Variants in RNF169 observed in about 807,000 individuals in gnomAD.
RNF169 encodes the protein E3 ubiquitin-protein ligase RNF169.
RNF169 carries 24 observed loss-of-function variants against 53.9 expected under a neutral mutation model. The observed-to-expected ratio is 0.45, with a 90% CI of 0.32 to 0.63. The LOEUF (loss-of-function observed/expected upper bound fraction) is 0.63, where lower values mean the gene tolerates loss of function less well. Among genes scored for constraint, RNF169 ranks in the 20% least tolerant of loss-of-function variants. RNF169 has a pLI of 0.04. For missense variants in RNF169, 883 were observed against 906.2 expected (o/e 0.97, Z 0.33); for synonymous variants, 396 against 363.5 (o/e 1.09, Z -1.02).
At position 74,749,142 on chromosome 11, in the gene RNF169, T is replaced by G; in HGVS notation, c.262T>G (p.Cys88Gly). ...GGCCCTGCCGTGCGGCCACTCGCTTTGCCGAGGCTGCGCCCAACGCGCCGC... is the reference window on the plus strand; with the variant it reads ...GGCCCTGCCGTGCGGCCACTCGCTTGGCCGAGGCTGCGCCCAACGCGCCGC... Reference protein sequence around the residue: ...AAALPCGHSLCRGCAQRAADA... With the variant: ...AAALPCGHSLGRGCAQRAADA... Residue 88 changes from cysteine (C) to glycine (G), a missense_variant, in exon 1 of 6, where the codon TGC becomes GGC. By Grantham distance (159) the Cys-to-Gly change is radical. Coordinates refer to ENST00000299563, the MANE Select transcript of RNF169 (RefSeq NM_001098638.2). 7.7e-7 allele frequency: 1 copy of G among 1,306,194 alleles called. No individual in the cohort carries two copies. Among genetic ancestry groups the G allele is most frequent in the South Asian group, 2.2e-5 (1 of 45,214 alleles). 80.9% of individuals were successfully genotyped at this position (1,306,194 alleles called of 1,614,324 possible).
chr11:74,761,915 A>G (rs2035089757), intron 1 of RNF169, among the ~76,000 whole-genome samples: 1 of 148,900 alleles, frequency 6.7e-6, no homozygotes, highest in Non-Finnish European at 1.5e-5. Flanking sequence ...ACTTGGTTCC[A>G]TTCTCCCCAT....
At chr11:74,819,901 G>A (rs949786962) in intron 4 of RNF169, among the ~76,000 whole-genome samples, 5 of 152,018 alleles carry the variant, frequency 3.3e-5, no homozygotes, top group East Asian at 3.9e-4. Context: ...GTTTTCTAAC[G>A]TGCAGATACT....
At position 74,748,953 on chromosome 11, in the gene RNF169, C is replaced by G; in HGVS notation, c.73C>G (p.Arg25Gly). The G allele has an allele frequency of 6.8e-7, 1 of 1,465,984 alleles. No homozygotes were observed. The highest frequency in any genetic ancestry group is 2.9e-5 in the East Asian group (1 of 34,564). The allele number at this position is 1,465,984 out of a possible 1,614,324, so 90.8% of individuals were successfully genotyped here. A position where few individuals can be genotyped will look rare whatever the true frequency, so the allele number is the denominator to read the frequency against. Reference protein sequence around the residue: ...AAAALSRRGRRGRCDETAAAK... With the variant: ...AAAALSRRGRGGRCDETAAAK... ...AGCCGCTCTGAGTCGGCGGGGCCGG[C>G]GGGGCCGCTGTGACGAGACGGCGGC... is the stretch of plus-strand genomic sequence containing the variant. Residue 25 changes from arginine to glycine, a missense_variant, in exon 1 of 6, where the codon CGG becomes GGG. By Grantham distance (125) the Arg-to-Gly change is moderately radical. This residue lies in a region of RNF169 where 313 missense variants were observed against 279.9 expected (regional missense o/e 1.12). Coordinates refer to ENST00000299563, the MANE Select transcript of RNF169 (RefSeq NM_001098638.2).
chr11:74,807,829 A>G (rs2035826154), intron 2 of RNF169: 1 of 152,222 alleles, frequency 6.6e-6, no homozygotes, highest in African/African-American at 2.4e-5. Context: ...CTAGAGACCA[A>G]GTTCTCAAAT....
chr11:74,826,127 A>T (rs2036092782), intron 4 of RNF169, among the ~76,000 whole-genome samples: 1 of 152,200 alleles, frequency 6.6e-6, no homozygotes, highest in African/African-American at 2.4e-5. Flanking sequence ...AGAGTTCAAG[A>T]CCAGCCTGGC....
chr11:74,838,027 T>G lies in RNF169; in HGVS notation c.*1297T>G, dbSNP rs558490949. On this transcript the variant is annotated 3_prime_UTR_variant, in exon 6 of 6. Coordinates refer to ENST00000299563, the MANE Select transcript of RNF169 (RefSeq NM_001098638.2). ...ATTTTAACAGACCTTCCAGAGCTTA[T>G]ATATCCCAATATATGTTGTTTCCTT... The G allele has an allele frequency of 1.5e-4, 23 of 152,356 alleles. No individual in the cohort carries two copies. The highest frequency in any genetic ancestry group is 4.6e-4 in the Admixed American group (7 of 15,302). The allele number at this position is 152,356 out of a possible 1,614,324, so 9.4% of individuals were successfully genotyped here. A position where few individuals can be genotyped will look rare whatever the true frequency, so the allele number is the denominator to read the frequency against.
At chr11:74,813,506 C>T (rs2035902115) in intron 3 of RNF169, among the ~76,000 whole-genome samples, 1 of 151,890 alleles carries the variant, frequency 6.6e-6, no homozygotes, top group Admixed American at 6.6e-5. Flanking sequence ...GACTAGAAAA[C>T]AAAAAGGGAA....
intron 1 of RNF169, among the ~76,000 whole-genome samples, chr11:74,777,919 G>A (rs762182695): frequency 1.2e-4 from 18 of 152,102 alleles, no homozygotes; most frequent in Non-Finnish European, 2.2e-4. Context: ...GAGCTACCAC[G>A]TCCAGCCTCA....
intron 1 of RNF169, among the ~76,000 whole-genome samples, chr11:74,772,637 T>C (rs1421821476): frequency 6.6e-6 from 1 of 152,226 alleles, no homozygotes; most frequent in Non-Finnish European, 1.5e-5. Context: ...TTAGCTTTTC[T>C]GAGCCTCAGC....
chr11:74,805,534 A>C (rs1366154129), intron 2 of RNF169, among the ~76,000 whole-genome samples: 1 of 152,202 alleles, frequency 6.6e-6, no homozygotes, highest in Admixed American at 6.5e-5. Flanking sequence ...TAAAAAATGA[A>C]TTCTTAATAT....
chr11:74,765,838 A>T (rs113137125), intron 1 of RNF169, among the ~76,000 whole-genome samples: 76 of 151,976 alleles, frequency 5.0e-4, no homozygotes, highest in African/African-American at 1.8e-3. Context: ...AAAACAAAAA[A>T]ACCCAAAACC....
chr11:74,791,550 G>A (rs1288151544), intron 2 of RNF169, among the ~76,000 whole-genome samples: 1 of 152,216 alleles, frequency 6.6e-6, no homozygotes, highest in Non-Finnish European at 1.5e-5. Context: ...AAGTCTGGAG[G>A]GGGCCGAGGT....
At chr11:74,808,696 G>A (rs767455142) in intron 2 of RNF169, among the ~76,000 whole-genome samples, 10 of 152,216 alleles carry the variant, frequency 6.6e-5, no homozygotes, top group Non-Finnish European at 1.3e-4. Flanking sequence ...GCTAAAACCT[G>A]TTCTCTTTTG....
intron 1 of RNF169, among the ~76,000 whole-genome samples, chr11:74,780,925 C>A (rs1451065200): frequency 6.6e-6 from 1 of 152,188 alleles, no homozygotes; most frequent in Non-Finnish European, 1.5e-5. Context: ...CCAAGGCAAC[C>A]AGAACCTGAG....
chr11:74,814,344 A>G (rs1337373885), intron 3 of RNF169, among the ~76,000 whole-genome samples: 2 of 150,216 alleles, frequency 1.3e-5, no homozygotes, highest in African/African-American at 4.9e-5. Context: ...ACAAACAAAC[A>G]AAAAAAATAA....
At chr11:74,751,901 A>G (rs1158879928) in intron 1 of RNF169, among the ~76,000 whole-genome samples, 1 of 152,146 alleles carries the variant, frequency 6.6e-6, no homozygotes, top group South Asian at 2.1e-4. Flanking sequence ...CAGTGCATTC[A>G]CAGGATTCAA....
At chr11:74,751,059 C>A (rs765892248) in intron 1 of RNF169, among the ~76,000 whole-genome samples, 2 of 151,696 alleles carry the variant, frequency 1.3e-5, no homozygotes, top group African/African-American at 4.8e-5. Context: ...TTAGTAGAGA[C>A]GGGGTTTCGC....
chr11:74,809,472 T>C (rs1273134459), intron 2 of RNF169, among the ~76,000 whole-genome samples: 4 of 152,212 alleles, frequency 2.6e-5, no homozygotes. Context: ...GCCCATGCTA[T>C]TTTGATAATG....
intron 3 of RNF169, among the ~76,000 whole-genome samples, chr11:74,816,802 A>G (rs2035946562): frequency 6.6e-6 from 1 of 152,192 alleles, no homozygotes; most frequent in African/African-American, 2.4e-5. Context: ...GGTAGGGGAA[A>G]AGCTGTGAAA....
Sources: allele counts gnomAD v4.1 joint callset (sites outside exome capture counted in the v4.1 genomes callset), GRCh38; gene constraint gnomAD v4.1.1; regional missense constraint gnomAD v4.1.1; transcripts MANE v1.5; gene names NCBI Gene and HGNC (gene_info 2026-07-23, HGNC 2026-07-21).